LRRC75A: variants seen among roughly 807,000 people sequenced by gnomAD.
LRRC75A encodes leucine rich repeat containing 75A, also known as leucine-rich repeat-containing protein 75A.
Under a neutral mutation model 26.0 loss-of-function variants are expected in LRRC75A, and 12 were observed. That is an observed-to-expected ratio of 0.46 (90% CI 0.30 to 0.75). The LOEUF (loss-of-function observed/expected upper bound fraction) is 0.75, where lower values mean the gene tolerates loss of function less well. Ranked by LOEUF, LRRC75A falls within the 30% of genes least tolerant of loss-of-function variation. The pLI, the probability that LRRC75A is intolerant of heterozygous loss-of-function variation, is 0.08. For synonymous variants in LRRC75A, 223 were observed against 219.3 expected, an observed-to-expected ratio of 1.02 and a Z score of -0.15; for missense variants, 410 against 486.6, an observed-to-expected ratio of 0.84 and a Z score of 1.48.
intron 3 of LRRC75A, among the ~76,000 whole-genome samples, chr17:16,446,717 T>A (rs1210963242): frequency 6.6e-6 from 1 of 151,918 alleles, no homozygotes; most frequent in Non-Finnish European, 1.5e-5. Flanking sequence ...GAGAGGCCCT[T>A]AGGTTCCAGC....
intron 1 of LRRC75A, among the ~76,000 whole-genome samples, chr17:16,468,762 G>A (rs1202910154): frequency 3.3e-5 from 5 of 152,202 alleles, no homozygotes; most frequent in African/African-American, 7.2e-5. Flanking sequence ...GGTGGCTCAT[G>A]CCTGTAATCC....
intron 1 of LRRC75A, among the ~76,000 whole-genome samples, chr17:16,465,658 G>C (rs141960473): frequency 6.6e-6 from 1 of 152,200 alleles, no homozygotes; most frequent in Non-Finnish European, 1.5e-5. Flanking sequence ...GGCCATCCCT[G>C]GAAGGACCAA....
At chr17:16,458,417 C>G (rs888505653) in intron 2 of LRRC75A, among the ~76,000 whole-genome samples, 11 of 152,200 alleles carry the variant, frequency 7.2e-5, no homozygotes, top group African/African-American at 2.6e-4. Context: ...TCAAGCAGTC[C>G]CATGGAGAGG....
At chr17:16,470,844 A>G (rs1214550710) in intron 1 of LRRC75A, among the ~76,000 whole-genome samples, 1 of 152,166 alleles carries the variant, frequency 6.6e-6, no homozygotes, top group Admixed American at 6.5e-5. Flanking sequence ...AGTTTTGGAG[A>G]CCAGAAATCT....
chr17:16,447,455 C>T (rs1020546318), intron 3 of LRRC75A, among the ~76,000 whole-genome samples: 8 of 152,162 alleles, frequency 5.3e-5, no homozygotes, highest in African/African-American at 1.9e-4. Flanking sequence ...CAGGTGTGCA[C>T]CACCACGCCT....
chr17:16,462,453 G>A lies in LRRC75A; in HGVS notation c.247-67C>T. 1.2e-6 allele frequency: 2 copies of A among 1,602,004 alleles called. No individual in the cohort carries two copies. Among genetic ancestry groups the A allele is most frequent in the Non-Finnish European group, 1.7e-6 (2 of 1,175,978 alleles). Reference sequence around the variant, plus strand: ...CACCCAGCTCGCCCACCATCCCCAAGAGAAGTAGGCACAGACCCCTAGAGG... The same window carrying A: ...CACCCAGCTCGCCCACCATCCCCAAAAGAAGTAGGCACAGACCCCTAGAGG... On this transcript the variant is annotated intron_variant, in intron 1 of 3. Coordinates refer to ENST00000470794, the MANE Select transcript of LRRC75A (RefSeq NM_001113567.3). The surrounding 1 kb of genome is among the most constrained non-coding windows in gnomAD (Gnocchi z 4.6).
chr17:16,448,101 G>C, intron 2 of LRRC75A, 141 bp from the exon 3 acceptor site: 4 of 709,516 alleles, frequency 5.6e-6, no homozygotes, highest in Non-Finnish European at 1.0e-5. Flanking sequence ...CCTAGGGTGG[G>C]CACCCTAGGC....
intron 1 of LRRC75A, among the ~76,000 whole-genome samples, chr17:16,473,021 G>C (rs981628618): frequency 2.0e-5 from 3 of 152,128 alleles, no homozygotes; most frequent in Admixed American, 6.5e-5. Context: ...AGATTCGTGA[G>C]GGGAATAATG....
chr17:16,449,702 C>T lies in LRRC75A; in HGVS notation c.376-1742G>A, dbSNP rs1005264221. On this transcript the variant is annotated intron_variant, in intron 2 of 3. Transcript: ENST00000470794. The stretch of plus-strand genomic sequence containing the variant: ...CACGATCTCGGCTCACTGCAACCTC[C>T]GCCACCTGGGTTCGAGTGATTCTCC... Among the ~76,000 whole-genome samples the T allele has an allele frequency of 3.3e-5, 5 of 152,300 alleles. No homozygotes were observed. The East Asian group carries it at 5.8e-4, about 18-fold the overall frequency.
rs1189078673 is a variant in LRRC75A at position 16,491,076 on chromosome 17, C to T, written c.246+669G>A. On this transcript the variant is annotated intron_variant, in intron 1 of 3. Transcript: ENST00000470794. This position sits in a 1 kb window ranked among gnomAD's most constrained non-coding sequence, Gnocchi z 5.9. ...GACAGGCACAGGCTAAGGACAGAGT[C>T]CTGGCAGTCTCCTGAAGTTGCTGCT... is the stretch of plus-strand genomic sequence containing the variant. Among the ~76,000 whole-genome samples the T allele has an allele frequency of 6.6e-6, 1 of 152,258 alleles. No individual in the cohort carries two copies. Among genetic ancestry groups the T allele is most frequent in the Non-Finnish European group, 1.5e-5 (1 of 68,050 alleles).
Position 16,441,678 on chromosome 17 carries a change from A to G in LRRC75A, c.*1910T>C, listed in dbSNP as rs2093526310. ...ATCCTCAATCACCCAGGCCTAAGCAATCCTCCCACCTTGTAGCTGGGACTA... is the reference window on the plus strand; with the variant it reads ...ATCCTCAATCACCCAGGCCTAAGCAGTCCTCCCACCTTGTAGCTGGGACTA... On this transcript the variant is annotated 3_prime_UTR_variant, in exon 4 of 4. Coordinates refer to ENST00000470794, the MANE Select transcript of LRRC75A (RefSeq NM_001113567.3). 1 of 296,524 alleles carries G rather than the reference A, an allele frequency of 3.4e-6. No homozygotes were observed. The highest frequency in any genetic ancestry group is 6.7e-6 in the Non-Finnish European group (1 of 149,222). The allele number at this position is 296,524 out of a possible 1,614,324, so 18.4% of individuals were successfully genotyped here.
intron 1 of LRRC75A, among the ~76,000 whole-genome samples, chr17:16,481,112 G>T (rs1346755205): frequency 6.6e-6 from 1 of 152,258 alleles, no homozygotes; most frequent in African/African-American, 2.4e-5. Context: ...GGCAGAGGCA[G>T]ATCCAGGCCC....
At chr17:16,480,795 TC>T (rs1292255364) in intron 1 of LRRC75A, among the ~76,000 whole-genome samples, 4 of 152,164 alleles carry the variant, frequency 2.6e-5, no homozygotes, top group African/African-American at 9.7e-5. Context: ...GAGCCCCTCT[TC>T]TACCCTGCCT....
chr17:16,488,299 G>A (rs1415519061), intron 1 of LRRC75A, among the ~76,000 whole-genome samples: 1 of 152,216 alleles, frequency 6.6e-6, no homozygotes, highest in Admixed American at 6.5e-5. Context: ...TTATCTCCAC[G>A]AGCATTCGCT....
intron 2 of LRRC75A, among the ~76,000 whole-genome samples, chr17:16,458,700 G>T (rs1429860277): frequency 6.6e-6 from 1 of 151,998 alleles, no homozygotes; most frequent in Non-Finnish European, 1.5e-5. Flanking sequence ...TCCAACCTCA[G>T]ATGATCCACC....
At chr17:16,465,034 G>A (rs1007293627) in intron 1 of LRRC75A, among the ~76,000 whole-genome samples, 6 of 152,370 alleles carry the variant, frequency 3.9e-5, no homozygotes, top group South Asian at 2.1e-4. Flanking sequence ...AAACAGAGGG[G>A]TGGTTATTCC....
intron 2 of LRRC75A, among the ~76,000 whole-genome samples, chr17:16,453,002 GA>G (rs1430038198): frequency 6.6e-6 from 1 of 152,008 alleles, no homozygotes; most frequent in Non-Finnish European, 1.5e-5. Context: ...TAAAAGAAGA[GA>G]ATAGAGGCCG....
chr17:16,476,443 A>G (rs1372659606), intron 1 of LRRC75A, among the ~76,000 whole-genome samples: 1 of 151,636 alleles, frequency 6.6e-6, no homozygotes, highest in Non-Finnish European at 1.5e-5. Context: ...AACTCCTGGC[A>G]TCAAGCAATC....
chr17:16,469,461 T>C (rs2093794005), intron 1 of LRRC75A, among the ~76,000 whole-genome samples: 1 of 152,232 alleles, frequency 6.6e-6, no homozygotes, highest in Admixed American at 6.5e-5. Context: ...GCTTCCCCCC[T>C]CCCCAGCTTG....
Sources: gnomAD v4.1 joint callset for allele counts (sites outside exome capture counted in the v4.1 genomes callset) on GRCh38, gnomAD v4.1.1 for gene constraint, Gnocchi (gnomAD v3.1) non-coding constraint, MANE v1.5 for transcripts, NCBI Gene and HGNC (gene_info 2026-07-23, HGNC 2026-07-21) for gene names.